The following APPL2 variants were observed in gnomAD, a reference collection of about 807,000 sequenced individuals.
The protein encoded by APPL2 is DCC-interacting protein 13-beta.
Under a neutral mutation model 92.7 loss-of-function variants are expected in APPL2, and 84 were observed. The ratio of observed to expected loss-of-function variants is 0.91; its 90% CI spans 0.76 to 1.09. The LOEUF (loss-of-function observed/expected upper bound fraction) is 1.09. Ranked by LOEUF, APPL2 falls within the 50% of genes least tolerant of loss-of-function variation. The probability of loss-of-function intolerance (pLI) is 0.00; values close to 1 mark genes in which losing one functional copy is unlikely to be tolerated. For missense variants in APPL2, 736 were observed against 824.5 expected, an observed-to-expected ratio of 0.89 and a Z score of 1.31; for synonymous variants, 291 against 291.0, an observed-to-expected ratio of 1.00 and a Z score of 0.00.
chr12:105,176,583 A>G (rs574583638), intron 19 of APPL2, among the ~76,000 whole-genome samples: 2 of 152,278 alleles, frequency 1.3e-5, no homozygotes, highest in East Asian at 3.9e-4. Context: ...TTTTTTAAAG[A>G]ACAAATTTGA....
At chr12:105,195,787 G>C (rs1000953238) in intron 11 of APPL2, among the ~76,000 whole-genome samples, 160 bp from the exon 12 acceptor site, 3 of 152,210 alleles carry the variant, frequency 2.0e-5, no homozygotes, top group Non-Finnish European at 4.4e-5. Context: ...AGGTGCAGTG[G>C]CTCATGCCTG....
At chr12:105,210,573 GACT>G (rs1889133299) in intron 5 of APPL2, among the ~76,000 whole-genome samples, 1 of 152,108 alleles carries the variant, frequency 6.6e-6, no homozygotes, top group African/African-American at 2.4e-5. Context: ...TGCATTTTGT[GACT>G]ACTTTGATTT....
intron 4 of APPL2, among the ~76,000 whole-genome samples, chr12:105,214,063 T>C (rs540633915): frequency 6.6e-6 from 1 of 152,228 alleles, no homozygotes; most frequent in East Asian, 1.9e-4. Context: ...TGCATGCCTG[T>C]AATCCCAGCT....
chr12:105,188,282 T>G lies in APPL2; in HGVS notation c.1625A>C (p.Gln542Pro). ...ATAAAACTGAACGTACCTCAAAGAT[T>G]GACTGGTGACCATCAGATGGGATTC... The part of the protein sequence containing the change: ...MTESHLMVTS[Q>P]SLRLIDPQTQ... Residue 542 changes from glutamine (Q) to proline (P), a missense_variant, in exon 17 of 21, where the codon CAA (glutamine) becomes CCA (proline). Transcript: ENST00000258530. 6.2e-7 allele frequency: 1 copy of G among 1,614,044 alleles called. No individual in the cohort carries two copies. Among genetic ancestry groups the G allele is most frequent in the Non-Finnish European group, 8.5e-7 (1 of 1,179,974 alleles).
At chr12:105,189,282 C>T (rs535400286) in intron 16 of APPL2, among the ~76,000 whole-genome samples, 19 of 152,280 alleles carry the variant, frequency 1.2e-4, no homozygotes, top group African/African-American at 4.1e-4. Flanking sequence ...TCACCTGCCT[C>T]GGCCTCCAAA....
At chr12:105,189,910 A>G in intron 15 of APPL2, 81 bp downstream of exon 15, 1 of 1,611,078 alleles carries the variant, frequency 6.2e-7, no homozygotes, top group Non-Finnish European at 8.5e-7. Context: ...GAATGGCAAC[A>G]GTCTTTGGTG....
At chr12:105,230,155 C>A (rs1890817396) in intron 1 of APPL2, among the ~76,000 whole-genome samples, 1 of 152,096 alleles carries the variant, frequency 6.6e-6, no homozygotes, top group Non-Finnish European at 1.5e-5. Flanking sequence ...CTGGGCCCAC[C>A]AGCAGCAGCT....
At chr12:105,201,890 C>T (rs532277918) in intron 9 of APPL2, among the ~76,000 whole-genome samples, 2 of 152,228 alleles carry the variant, frequency 1.3e-5, no homozygotes, top group East Asian at 3.9e-4. Context: ...TGAATCCACC[C>T]CCACCTGGAA....
At chr12:105,206,964 T>C in intron 8 of APPL2, 97 bp downstream of exon 8, 1 of 1,451,730 alleles carries the variant, frequency 6.9e-7, no homozygotes, top group African/African-American at 1.4e-5. Flanking sequence ...GCATTTATGT[T>C]TCTTTCTACG....
chr12:105,203,585 G>T, intron 9 of APPL2, 118 bp downstream of exon 9: 1 of 863,728 alleles, frequency 1.2e-6, no homozygotes, highest in Non-Finnish European at 1.9e-6. Context: ...CATTTCTGGG[G>T]TGGACAGAGG....
intron 17 of APPL2, among the ~76,000 whole-genome samples, chr12:105,185,305 G>A (rs935088178): frequency 2.6e-5 from 4 of 152,098 alleles, no homozygotes; most frequent in South Asian, 4.1e-4. Flanking sequence ...ACTGGGGTGC[G>A]AAAAAAATTC....
At chr12:105,207,859 T>C in intron 7 of APPL2, 112 bp downstream of exon 7, 4 of 900,118 alleles carry the variant, frequency 4.4e-6, no homozygotes, top group Non-Finnish European at 7.0e-6. Flanking sequence ...AGTCCATGTA[T>C]AGTTAAAAAA....
intron 9 of APPL2, among the ~76,000 whole-genome samples, chr12:105,202,811 A>G (rs1456054900): frequency 6.6e-6 from 1 of 152,160 alleles, no homozygotes; most frequent in African/African-American, 2.4e-5. Context: ...ATCTGTCTCA[A>G]TGCTCAGCAC....
In APPL2 at chr12:105,220,998, G is replaced by A. The variant is rs191222858; in HGVS notation, c.154-3273C>T. Among the ~76,000 whole-genome samples, 13 of 152,296 alleles carry A rather than the reference G, an allele frequency of 8.5e-5. No homozygotes were observed. In the East Asian group the frequency reaches 1.5e-3, roughly 18 times the overall value. ...TCTGTGCAGCCAGTATGAGTTCATC[G>A]GAAACCAACATGCTTACAACACAGC... On this transcript the variant is annotated intron_variant, in intron 2 of 20. Transcript: ENST00000258530.
chr12:105,215,900 G>A (rs111266896), intron 4 of APPL2, among the ~76,000 whole-genome samples: 347 of 152,150 alleles, frequency 2.3e-3, no homozygotes, highest in African/African-American at 8.0e-3. Context: ...AAAATTAGCC[G>A]GGCGTAGTCC....
intron 9 of APPL2, among the ~76,000 whole-genome samples, chr12:105,200,582 C>A (rs571448489): frequency 6.6e-6 from 1 of 152,300 alleles, no homozygotes; most frequent in South Asian, 2.1e-4. Flanking sequence ...CAGGCCACCC[C>A]ACCCACTAGT....
chr12:105,205,806 G>A (rs1470360979), intron 8 of APPL2, among the ~76,000 whole-genome samples: 1 of 152,200 alleles, frequency 6.6e-6, no homozygotes, highest in Non-Finnish European at 1.5e-5. Flanking sequence ...TGCAGGAGAG[G>A]GGAGGGCAAC....
intron 17 of APPL2, among the ~76,000 whole-genome samples, chr12:105,179,547 G>A (rs61940664): frequency 6.6e-6 from 1 of 152,172 alleles, no homozygotes; most frequent in Non-Finnish European, 1.5e-5. Flanking sequence ...CTAGATCCTT[G>A]AGGAATCGCC....
chr12:105,226,875 A>G (rs1246564555), intron 2 of APPL2, among the ~76,000 whole-genome samples: 1 of 152,140 alleles, frequency 6.6e-6, no homozygotes, highest in Non-Finnish European at 1.5e-5. Context: ...CTAGCTACTC[A>G]GAAGGCTAAG....
Sources: gnomAD v4.1 joint callset for allele counts (sites outside exome capture counted in the v4.1 genomes callset) on GRCh38, gnomAD v4.1.1 for gene constraint, MANE v1.5 for transcripts, NCBI Gene and HGNC (gene_info 2026-07-23, HGNC 2026-07-21) for gene names.